FBXL2: variants seen among roughly 807,000 people sequenced by gnomAD.
The protein encoded by FBXL2 is F-box/LRR-repeat protein 2.
Under a neutral mutation model 69.2 loss-of-function variants are expected in FBXL2, and 38 were observed. The observed-to-expected ratio is 0.55, with a 90% CI of 0.42 to 0.72. The LOEUF (loss-of-function observed/expected upper bound fraction) is 0.72. Among genes scored for constraint, FBXL2 ranks in the 30% least tolerant of loss-of-function variants. The pLI, the probability that FBXL2 is intolerant of heterozygous loss-of-function variation, is 0.00. For missense variants in FBXL2, 354 were observed against 520.3 expected, an observed-to-expected ratio of 0.68 and a Z score of 3.11; for synonymous variants, 192 against 201.3, an observed-to-expected ratio of 0.95 and a Z score of 0.39.
the FBXL2 span, among the ~76,000 whole-genome samples, chr3:33,410,387 A>AC: frequency 0.025 from 3,748 of 152,330 alleles, 79 homozygotes; most frequent in Admixed American, 0.058. Context: ...GTCTTGTATC[A>AC]CTTTGATTTA....
chr3:33,322,947 T>C (rs1250402174), intron 2 of FBXL2, among the ~76,000 whole-genome samples: 1 of 152,224 alleles, frequency 6.6e-6, no homozygotes. Context: ...TGTATCTCCC[T>C]TTGCTGTCTT....
chr3:33,279,928 C>T (rs1444054047), intron 1 of FBXL2, among the ~76,000 whole-genome samples: 1 of 152,112 alleles, frequency 6.6e-6, no homozygotes, highest in African/African-American at 2.4e-5. Context: ...CTTTTAAAAC[C>T]TGGCAGTTTC....
At chr3:33,370,469 T>A (rs1465018308) in intron 5 of FBXL2, among the ~76,000 whole-genome samples, 1 of 152,122 alleles carries the variant, frequency 6.6e-6, no homozygotes, top group African/African-American at 2.4e-5. Flanking sequence ...CTATTTTTTG[T>A]TTTTTGTATT....
chr3:33,411,372 A>G, the FBXL2 span, among the ~76,000 whole-genome samples: 1 of 152,242 alleles, frequency 6.6e-6, no homozygotes, highest in Non-Finnish European at 1.5e-5. Context: ...ACATTTGAAT[A>G]ATGCTTTACA....
intron 14 of FBXL2, among the ~76,000 whole-genome samples, chr3:33,385,285 A>G (rs1407588874): frequency 6.6e-6 from 1 of 152,154 alleles, no homozygotes; most frequent in African/African-American, 2.4e-5. Flanking sequence ...CTGGGTGGAA[A>G]CGTATCAACG....
At chr3:33,338,299 C>T (rs2039744977) in intron 2 of FBXL2, among the ~76,000 whole-genome samples, 1 of 152,062 alleles carries the variant, frequency 6.6e-6, no homozygotes, top group Admixed American at 6.5e-5. Flanking sequence ...GTAATCTCAG[C>T]TACATGGGAG....
At chr3:33,407,595 C>T (rs1381036447), downstream of FBXL2, among the ~76,000 whole-genome samples, 1 of 150,684 alleles carries the variant, frequency 6.6e-6, no homozygotes, top group Non-Finnish European at 1.5e-5. Context: ...CGTGTGCTTC[C>T]AGTGGCACTA....
At chr3:33,311,770 G>T (rs553652073) in intron 2 of FBXL2, among the ~76,000 whole-genome samples, 25 of 151,772 alleles carry the variant, frequency 1.6e-4, no homozygotes, top group African/African-American at 5.8e-4. Context: ...GACTACAGGC[G>T]CATGCCACCA....
At chr3:33,390,450 C>A, downstream of FBXL2, 1 of 1,434,804 alleles carries the variant, frequency 7.0e-7, no homozygotes, top group East Asian at 2.3e-5. Flanking sequence ...CTGCCAACTA[C>A]AACCTCCCTT....
intron 1 of FBXL2, 151 bp downstream of exon 1, chr3:33,277,666 T>A: frequency 7.2e-6 from 6 of 833,834 alleles, no homozygotes; most frequent in Non-Finnish European, 9.6e-6. Flanking sequence ...AGGGCAGGGC[T>A]GGGCGGGCCC....
At chr3:33,389,723 A>G (rs921912072), downstream of FBXL2, 10 of 152,848 alleles carry the variant, frequency 6.5e-5, no homozygotes, top group African/African-American at 1.9e-4. Flanking sequence ...GTTTGCTTCA[A>G]GCCCATCTTC....
At chr3:33,360,193 T>G (rs1343328728) in intron 4 of FBXL2, among the ~76,000 whole-genome samples, 1 of 152,176 alleles carries the variant, frequency 6.6e-6, no homozygotes, top group African/African-American at 2.4e-5. Context: ...TTGCTATGTG[T>G]TTTTACCAAG....
chr3:33,311,723 C>T (rs1296147956), intron 2 of FBXL2, among the ~76,000 whole-genome samples: 4 of 152,156 alleles, frequency 2.6e-5, no homozygotes, highest in Admixed American at 2.6e-4. Context: ...CTCCCAGGTT[C>T]AAGCAATTCT....
At chr3:33,296,427 G>A (rs1476254868) in intron 1 of FBXL2, among the ~76,000 whole-genome samples, 1 of 152,060 alleles carries the variant, frequency 6.6e-6, no homozygotes, top group Non-Finnish European at 1.5e-5. Context: ...TGCTTTCAGT[G>A]TCATATCTAA....
chr3:33,416,408 A>C, the FBXL2 span, among the ~76,000 whole-genome samples: 1 of 152,234 alleles, frequency 6.6e-6, no homozygotes, highest in African/African-American at 2.4e-5. Flanking sequence ...TTTTTAAATG[A>C]AACTTTACAA....
chr3:33,288,983 G>T (rs942105563), intron 1 of FBXL2, among the ~76,000 whole-genome samples: 3 of 152,148 alleles, frequency 2.0e-5, no homozygotes, highest in Non-Finnish European at 4.4e-5. Context: ...GATGATTTGA[G>T]CCTGAGCAAG....
the FBXL2 span, among the ~76,000 whole-genome samples, chr3:33,412,518 G>A: frequency 2.0e-5 from 3 of 151,500 alleles, no homozygotes; most frequent in Non-Finnish European, 2.9e-5. Flanking sequence ...GGGAGGTAGA[G>A]GTTGCAGTGA....
intron 2 of FBXL2, among the ~76,000 whole-genome samples, chr3:33,330,771 CCCAGCTACTT>C (rs1252999014): frequency 6.6e-6 from 1 of 151,834 alleles, no homozygotes; most frequent in Non-Finnish European, 1.5e-5. Context: ...TGCCTGTAAT[CCCAGCTACTT>C]GGGAGGCTGA....
intron 2 of FBXL2, among the ~76,000 whole-genome samples, chr3:33,315,597 C>G (rs2125777651): frequency 6.6e-6 from 1 of 152,172 alleles, no homozygotes; most frequent in East Asian, 1.9e-4. Context: ...TGTTTACTCA[C>G]TTTGGTGTTC....
Sources: allele counts gnomAD v4.1 joint callset (sites outside exome capture counted in the v4.1 genomes callset), GRCh38; gene constraint gnomAD v4.1.1; transcripts MANE v1.5; gene names NCBI Gene and HGNC (gene_info 2026-07-23, HGNC 2026-07-21).